CEP85L: variants seen among roughly 807,000 people sequenced by gnomAD.
CEP85L encodes the protein centrosomal protein 85L, also known as centrosomal protein of 85 kDa-like.
In CEP85L, 60 loss-of-function variants were observed where a neutral mutation model predicts 100.3. The ratio of observed to expected loss-of-function variants is 0.60; its 90% CI spans 0.49 to 0.74. The LOEUF is 0.74. Among genes scored for constraint, CEP85L ranks in the 30% least tolerant of loss-of-function variants. CEP85L has a pLI of 0.00. For missense variants in CEP85L, 973 were observed against 936.2 expected (o/e 1.04, Z -0.51); for synonymous variants, 319 against 322.7 (o/e 0.99, Z 0.12).
chr6:118,569,341 CAAAAAAAAAAAAAAAA>C (rs56123225), intron 2 of CEP85L, among the ~76,000 whole-genome samples: 2 of 68,198 alleles, frequency 2.9e-5, no homozygotes, highest in Admixed American at 5.0e-4. Context: ...GACTCTGTCT[CAAAAAAAAAAAAAAAA>C]AAAAAAAAAA....
chr6:118,603,023 T>C (rs1179684538), intron 2 of CEP85L, among the ~76,000 whole-genome samples: 1 of 152,172 alleles, frequency 6.6e-6, no homozygotes, highest in Admixed American at 6.5e-5. Flanking sequence ...GGTTTCACCA[T>C]GTTGGCCAGG....
chr6:118,491,928 A>C, intron 5 of CEP85L, 63 bp from the exon 6 acceptor site: 1 of 1,283,022 alleles, frequency 7.8e-7, no homozygotes, highest in Non-Finnish European at 1.1e-6. Context: ...ATGTGAAGAA[A>C]TTGGAAATGA....
In CEP85L at chr6:118,463,532, TG is replaced by T. The variant is rs1772335366; in HGVS notation, c.*1872del. 1.3e-5 allele frequency: 2 copies of T among 152,054 alleles called. No homozygotes were observed. Among genetic ancestry groups the T allele is most frequent in the African/African-American group, 4.8e-5 (2 of 41,426 alleles). 9.4% of individuals were successfully genotyped at this position (152,054 alleles called of 1,614,324 possible). A position where few individuals can be genotyped will look rare whatever the true frequency, so the allele number is the denominator to read the frequency against. ...AGAATTCTTCGCATCACATTTTTGG[TG>T]GAAATTTACTATACCCTGATTATCG... On this transcript the variant is annotated 3_prime_UTR_variant, in exon 13 of 13. Transcript: ENST00000368491.
At chr6:118,630,908 G>A (rs1029471005) in intron 2 of CEP85L, among the ~76,000 whole-genome samples, 33 of 152,146 alleles carry the variant, frequency 2.2e-4, no homozygotes, top group Admixed American at 1.7e-3. Context: ...TAGGTTGTGC[G>A]CTCCTTATGA....
chr6:118,627,163 C>A (rs372149412), intron 2 of CEP85L, among the ~76,000 whole-genome samples: 12 of 132,524 alleles, frequency 9.1e-5, no homozygotes, highest in Admixed American at 8.2e-5. Context: ...CCCGCCACCG[C>A]ACTCCTGCCT....
chr6:118,707,973 G>A (rs187714734), intron 1 of CEP85L, among the ~76,000 whole-genome samples: 15 of 150,930 alleles, frequency 9.9e-5, no homozygotes, highest in Non-Finnish European at 1.5e-4. Flanking sequence ...GCTTTTTTGG[G>A]GGGGGGACGG....
intron 7 of CEP85L, among the ~76,000 whole-genome samples, chr6:118,483,418 G>A (rs1773939249): frequency 6.6e-6 from 1 of 152,088 alleles, no homozygotes; most frequent in African/African-American, 2.4e-5. Context: ...CCAGAACTGG[G>A]GGTGTGTGCA....
chr6:118,642,693 C>T (rs1774954968), intron 1 of CEP85L, among the ~76,000 whole-genome samples: 1 of 152,084 alleles, frequency 6.6e-6, no homozygotes, highest in African/African-American at 2.4e-5. Context: ...CAGGGTGGAT[C>T]ACCTAAGGTC....
chr6:118,474,785 T>C (rs1164053853), intron 10 of CEP85L, among the ~76,000 whole-genome samples: 17 of 152,186 alleles, frequency 1.1e-4, no homozygotes, highest in Non-Finnish European at 2.1e-4. Context: ...TGCAACAGTG[T>C]GATGACAAAG....
intron 4 of CEP85L, among the ~76,000 whole-genome samples, chr6:118,523,015 G>T (rs568357284): frequency 1.3e-5 from 2 of 152,162 alleles, no homozygotes; most frequent in Admixed American, 6.5e-5. Context: ...TATTAAATGC[G>T]TTTAAAGGTT....
At chr6:118,671,430 T>A (rs779105543) in intron 1 of CEP85L, among the ~76,000 whole-genome samples, 1 of 152,212 alleles carries the variant, frequency 6.6e-6, no homozygotes, top group Non-Finnish European at 1.5e-5. Flanking sequence ...GGAGCAGAAC[T>A]GAGAATACAT....
intron 3 of CEP85L, among the ~76,000 whole-genome samples, chr6:118,535,408 T>TG (rs2114848034): frequency 6.6e-6 from 1 of 152,352 alleles, no homozygotes; most frequent in East Asian, 1.9e-4. Context: ...GGTAGCTTTC[T>TG]GGAGTGATGG....
intron 1 of CEP85L, among the ~76,000 whole-genome samples, chr6:118,683,213 T>A (rs1301681491): frequency 6.6e-6 from 1 of 152,178 alleles, no homozygotes; most frequent in Non-Finnish European, 1.5e-5. Flanking sequence ...AATAACTATG[T>A]TTTAATGTAG....
chr6:118,504,306 C>T (rs914329056), intron 5 of CEP85L, among the ~76,000 whole-genome samples: 1 of 151,604 alleles, frequency 6.6e-6, no homozygotes, highest in Non-Finnish European at 1.5e-5. Context: ...ACCCAGTATG[C>T]GGAGGTTGCA....
At chr6:118,581,789 T>C (rs1452607934) in intron 2 of CEP85L, among the ~76,000 whole-genome samples, 1 of 152,158 alleles carries the variant, frequency 6.6e-6, no homozygotes, top group Non-Finnish European at 1.5e-5. Flanking sequence ...GCACTGGGAC[T>C]CCTTCAACCC....
chr6:118,662,479 G>A (rs932619104), intron 1 of CEP85L, among the ~76,000 whole-genome samples: 3 of 151,426 alleles, frequency 2.0e-5, no homozygotes, highest in South Asian at 2.1e-4. Context: ...GCAATGAGCC[G>A]AGATCGCGCC....
intron 3 of CEP85L, chr6:118,537,524 C>G: frequency 1.0e-6 from 1 of 985,168 alleles, no homozygotes. Flanking sequence ...ACATAGGTAC[C>G]TCTTCTTGGA....
chr6:118,541,410 A>G (rs1777897912), intron 3 of CEP85L, among the ~76,000 whole-genome samples: 1 of 152,246 alleles, frequency 6.6e-6, no homozygotes, highest in Non-Finnish European at 1.5e-5. Flanking sequence ...AAAAGTTACA[A>G]TGCTTACATA....
intron 2 of CEP85L, among the ~76,000 whole-genome samples, chr6:118,584,829 C>A (rs12192216): frequency 0.1 from 15,395 of 152,192 alleles, 926 homozygotes; most frequent in African/African-American, 0.15. Context: ...TTTGGGGGAG[C>A]CTTTGGCTAA....
Sources: gnomAD v4.1 joint callset for allele counts (sites outside exome capture counted in the v4.1 genomes callset) on GRCh38, gnomAD v4.1.1 for gene constraint, MANE v1.5 for transcripts, NCBI Gene and HGNC (gene_info 2026-07-23, HGNC 2026-07-21) for gene names.